The following EXOC1 variants were observed in gnomAD, a reference collection of about 807,000 sequenced individuals.
The protein encoded by EXOC1 is exocyst complex component 1.
EXOC1 carries 67 observed loss-of-function variants against 107.7 expected under a neutral mutation model. The ratio of observed to expected loss-of-function variants is 0.62; its 90% CI spans 0.51 to 0.76. The LOEUF (loss-of-function observed/expected upper bound fraction) is 0.76, where lower values mean the gene tolerates loss of function less well. EXOC1 is among the 30% of genes least tolerant of loss of function. The probability of loss-of-function intolerance (pLI) is 0.00; values close to 1 mark genes in which losing one functional copy is unlikely to be tolerated. For missense variants in EXOC1, 833 were observed against 1,055.7 expected, an observed-to-expected ratio of 0.79 and a Z score of 2.92; for synonymous variants, 348 against 353.5, an observed-to-expected ratio of 0.98 and a Z score of 0.17.
At chr4:55,877,023 T>C in intron 8 of EXOC1, 1 of 985,194 alleles carries the variant, frequency 1.0e-6, no homozygotes. Flanking sequence ...CTGAATAGTC[T>C]GTATTTAAAA....
intron 11 of EXOC1, 122 bp downstream of exon 11, chr4:55,889,054 G>T: frequency 1.1e-6 from 1 of 871,456 alleles, no homozygotes; most frequent in Non-Finnish European, 1.9e-6. Flanking sequence ...CCAGGTATTG[G>T]TGAAAGAAAG....
At chr4:55,875,970 C>G in intron 8 of EXOC1, 1 of 952,658 alleles carries the variant, frequency 1.0e-6, no homozygotes, top group Non-Finnish European at 1.2e-6. Context: ...ACTATAATAT[C>G]TATATCTGGC....
Position 55,868,634 on chromosome 4 carries a change from A to G in EXOC1, c.603+111A>G, listed in dbSNP as rs562205298. 5.9e-6 allele frequency: 5 copies of G among 851,348 alleles called. No homozygotes were observed. The East Asian group carries it at 1.1e-4, about 19-fold the overall frequency. 52.7% of individuals were successfully genotyped at this position (851,348 alleles called of 1,614,324 possible). A position where few individuals can be genotyped will look rare whatever the true frequency, so the allele number is the denominator to read the frequency against. On this transcript the variant is annotated intron_variant, in intron 5 of 18. Coordinates refer to ENST00000381295, the MANE Select transcript of EXOC1 (RefSeq NM_001024924.2). The stretch of plus-strand genomic sequence containing the variant: ...TAAGCCTTTATAGTGTGTTATTGCC[A>G]TCTTTATCTATAAGCACATTACCAG...
chr4:55,887,455 A>C (rs1724034136), intron 10 of EXOC1, among the ~76,000 whole-genome samples: 1 of 152,188 alleles, frequency 6.6e-6, no homozygotes. Flanking sequence ...TGAAGTTTAC[A>C]TTCTAGTGGG....
chr4:55,896,996 A>C lies in EXOC1; in HGVS notation c.2137+96A>C, dbSNP rs545991190. 1.7e-4 allele frequency: 173 copies of C among 996,234 alleles called. 1 individual carries two copies. In the African/African-American group the frequency reaches 2.6e-3, roughly 15 times the overall value. 61.7% of individuals were successfully genotyped at this position (996,234 alleles called of 1,614,324 possible). ...AGCAGATAGGTTCATTATTTTGTATATCTTATAATCTTTTTTAGGTTTTCT... is the reference window on the plus strand; with the variant it reads ...AGCAGATAGGTTCATTATTTTGTATCTCTTATAATCTTTTTTAGGTTTTCT... On this transcript the variant is annotated intron_variant, in intron 16 of 18. Transcript: ENST00000381295.
At chr4:55,888,013 G>A (rs549466985) in intron 10 of EXOC1, among the ~76,000 whole-genome samples, 2 of 152,274 alleles carry the variant, frequency 1.3e-5, no homozygotes, top group African/African-American at 4.8e-5. Flanking sequence ...AATGTCAGTT[G>A]ACACATCTTT....
intron 8 of EXOC1, chr4:55,877,312 A>T: frequency 3.0e-6 from 3 of 985,378 alleles, no homozygotes; most frequent in Non-Finnish European, 2.4e-6. Flanking sequence ...GGCAAATTAG[A>T]TTGAGTGAAA....
intron 15 of EXOC1, among the ~76,000 whole-genome samples, chr4:55,894,405 G>A (rs1050259970): frequency 6.6e-6 from 1 of 151,044 alleles, no homozygotes; most frequent in African/African-American, 2.4e-5. Context: ...TGAAACAATT[G>A]AAACAATCAT....
chr4:55,886,559 C>CAAAAAAAA (rs1236067546), intron 10 of EXOC1, among the ~76,000 whole-genome samples: 1 of 115,146 alleles, frequency 8.7e-6, no homozygotes, highest in Non-Finnish European at 1.9e-5. Context: ...TCTCAAAAAA[C>CAAAAAAAA]AAAAAAACAA....
chr4:55,875,586 G>A, intron 8 of EXOC1: 2 of 985,156 alleles, frequency 2.0e-6, no homozygotes, highest in Non-Finnish European at 2.4e-6. Context: ...TGACATTTGT[G>A]CCTGAGTAAA....
chr4:55,870,805 G>A lies in EXOC1; in HGVS notation c.731G>A (p.Ser244Asn), dbSNP rs1722357208. 6.2e-7 allele frequency: 1 copy of A among 1,613,834 alleles called. No individual in the cohort carries two copies. The highest frequency in any genetic ancestry group is 1.1e-5 in the South Asian group (1 of 91,074). ...AGCAGTTATGAGGAAATGCTCCAAA[G>A]TGTAAAAGAACAAATGGATCAGATC... ...KLSSYEEMLQ[S>N]VKEQMDQISE... Residue 244 changes from serine (S) to asparagine (N), a missense_variant, in exon 6 of 19, where the codon AGT becomes AAT. This residue lies in a region of EXOC1 where 617 missense variants were observed against 701.3 expected (regional missense o/e 0.88). Coordinates refer to ENST00000381295, the MANE Select transcript of EXOC1 (RefSeq NM_001024924.2).
At chr4:55,900,117 A>ATT (rs2109506198) in intron 17 of EXOC1, among the ~76,000 whole-genome samples, 1 of 152,280 alleles carries the variant, frequency 6.6e-6, no homozygotes, top group East Asian at 1.9e-4. Flanking sequence ...TGATAATTGT[A>ATT]CTAGTATTCT....
chr4:55,861,165 A>T (rs182547031), intron 3 of EXOC1, among the ~76,000 whole-genome samples: 91 of 152,180 alleles, frequency 6.0e-4, no homozygotes, highest in African/African-American at 2.2e-3. Context: ...TTTTCAAAGC[A>T]ATCAAGTTGG....
intron 4 of EXOC1, among the ~76,000 whole-genome samples, chr4:55,867,939 T>C (rs1722101775): frequency 6.6e-6 from 1 of 152,318 alleles, no homozygotes; most frequent in African/African-American, 2.4e-5. Context: ...CAAATTGTTT[T>C]TGTGTGTACT....
In EXOC1 at chr4:55,882,258, A is replaced by C. The variant is rs1723468785; in HGVS notation, c.1225-1565A>C. 2.0e-5 allele frequency among the ~76,000 whole-genome samples: 3 copies of C among 152,230 alleles called. 1 individual carries two copies. Among genetic ancestry groups the C allele is most frequent in the Admixed American group, 2.0e-4 (3 of 15,288 alleles). On this transcript the variant is annotated intron_variant, in intron 9 of 18. Transcript: ENST00000381295. Reference sequence around the variant, plus strand: ...TGGGCTCAAGCAGTCCTTCTGCCTCAGCCTCCTGAGTAGCTGGGACTACAG... The same window carrying C: ...TGGGCTCAAGCAGTCCTTCTGCCTCCGCCTCCTGAGTAGCTGGGACTACAG...
At chr4:55,856,416 C>G (rs944382354) in intron 1 of EXOC1, among the ~76,000 whole-genome samples, 13 of 152,022 alleles carry the variant, frequency 8.6e-5, no homozygotes, top group African/African-American at 3.1e-4. Flanking sequence ...AGACTAGAGG[C>G]TGAGATGAAG....
At chr4:55,875,529 A>G in intron 8 of EXOC1, 1 of 978,624 alleles carries the variant, frequency 1.0e-6, no homozygotes, top group South Asian at 4.7e-5. Flanking sequence ...TGGGTTCAAA[A>G]TCCTGACTCT....
At chr4:55,888,738 T>C (rs1171242721) in intron 10 of EXOC1, 150 bp from the exon 11 acceptor site, 1 of 684,774 alleles carries the variant, frequency 1.5e-6, no homozygotes, top group Non-Finnish European at 2.5e-6. Context: ...CAACTAAACA[T>C]GTGTTTGCAC....
At chr4:55,868,220 C>A in intron 4 of EXOC1, 116 bp from the exon 5 acceptor site, 5 of 660,176 alleles carry the variant, frequency 7.6e-6, no homozygotes, top group Non-Finnish European at 1.1e-5. Context: ...TCATTCTATC[C>A]TCTTTTTCAG....
Sources: allele counts gnomAD v4.1 joint callset (sites outside exome capture counted in the v4.1 genomes callset), GRCh38; gene constraint gnomAD v4.1.1; regional missense constraint gnomAD v4.1.1; transcripts MANE v1.5; gene names NCBI Gene and HGNC (gene_info 2026-07-23, HGNC 2026-07-21).